RAD50: variants seen among roughly 807,000 people sequenced by gnomAD.
The protein encoded by RAD50 is RAD50 double strand break repair protein.
Under a neutral mutation model 168.8 loss-of-function variants are expected in RAD50, and 132 were observed. The ratio of observed to expected loss-of-function variants is 0.78; its 90% CI spans 0.68 to 0.90. RAD50 has a LOEUF of 0.90. RAD50 is among the 40% of genes least tolerant of loss of function. RAD50 has a pLI of 0.00. For synonymous variants in RAD50, 525 were observed against 497.4 expected, an observed-to-expected ratio of 1.06 and a Z score of -0.74; for missense variants, 1,347 against 1,534.4, an observed-to-expected ratio of 0.88 and a Z score of 2.04.
chr5:132,637,962 T>G, intron 22 of RAD50, 119 bp from the exon 23 acceptor site: 1 of 1,175,378 alleles, frequency 8.5e-7, no homozygotes. Context: ...ACACCAGCCA[T>G]TGTTTTCCTC....
chr5:132,616,802 G>A (rs1751185498), intron 20 of RAD50, among the ~76,000 whole-genome samples: 1 of 152,100 alleles, frequency 6.6e-6, no homozygotes, highest in Non-Finnish European at 1.5e-5. Context: ...TTAAATCCAG[G>A]CCTCTCATTT....
intron 21 of RAD50, among the ~76,000 whole-genome samples, chr5:132,622,200 G>T (rs146164432): frequency 6.6e-6 from 1 of 150,606 alleles, no homozygotes; most frequent in African/African-American, 2.4e-5. Flanking sequence ...TGGCTCTGTC[G>T]CCCAGGCTAG....
chr5:132,628,402 C>G (rs1751405285), intron 21 of RAD50, among the ~76,000 whole-genome samples: 1 of 152,190 alleles, frequency 6.6e-6, no homozygotes, highest in Admixed American at 6.5e-5. Context: ...TATCAAGAAT[C>G]TAATGCTATT....
Position 132,559,282 on chromosome 5 carries a change from A to G in RAD50, c.130-2A>G, listed in dbSNP as rs1561628206. The stretch of plus-strand genomic sequence containing the variant: ...AAATAATGTAATTTTCTATTTCTTT[A>G]GACCATCATTGAATGTCTAAAATAT... On this transcript the variant is annotated splice_acceptor_variant, in intron 1 of 24. Transcript: ENST00000378823. LOFTEE classifies it high-confidence loss of function. 1 of 1,599,434 alleles carries G rather than the reference A, an allele frequency of 6.3e-7. No homozygotes were observed. Among genetic ancestry groups the G allele is most frequent in the Non-Finnish European group, 8.5e-7 (1 of 1,173,534 alleles).
chr5:132,595,215 AC>A, intron 12 of RAD50, 171 bp downstream of exon 12: 1 of 698,352 alleles, frequency 1.4e-6, no homozygotes, highest in Admixed American at 2.7e-5. Context: ...AGTTACTGAA[AC>A]CTTCCTGTGT....
intron 11 of RAD50, chr5:132,592,788 C>T (rs778057424): frequency 4.3e-6 from 2 of 470,394 alleles, no homozygotes; most frequent in South Asian, 3.1e-5. Context: ...AGCCACATTC[C>T]ATCACCTCCT....
chr5:132,571,816 C>A (rs76839246), intron 2 of RAD50, among the ~76,000 whole-genome samples: 1 of 152,120 alleles, frequency 6.6e-6, no homozygotes, highest in East Asian at 1.9e-4. Context: ...AACTCATCAT[C>A]GCTTGTATAA....
rs1475493081 is a variant in RAD50 at position 132,602,143 on chromosome 5, T to TA, written c.2208-1151dup. On this transcript the variant is annotated intron_variant, in intron 13 of 24. Coordinates refer to ENST00000378823, the MANE Select transcript of RAD50 (RefSeq NM_005732.4). ...TAAAGCATAAAAATAAATAAATAAT[T>TA]AAAAAATTTTAAAAAACTATAGGTC... is the stretch of plus-strand genomic sequence containing the variant. 1.7e-3 allele frequency among the ~76,000 whole-genome samples: 262 copies of TA among 152,138 alleles called. 2 individuals are homozygous for TA. The highest frequency in any genetic ancestry group is 6.2e-3 in the African/African-American group (257 of 41,518).
chr5:132,587,996 A>C lies in RAD50; in HGVS notation c.958A>C (p.Arg320=), dbSNP rs1580992181. 2 of 1,612,048 alleles carry C rather than the reference A, an allele frequency of 1.2e-6. No individual in the cohort carries two copies. The highest frequency in any genetic ancestry group is 1.7e-6 in the Non-Finnish European group (2 of 1,178,228). The change falls in exon 7 of 25, where the codon AGG becomes CGG. Residue 320 remains arginine, a synonymous_variant. Transcript: ENST00000378823. The part of the protein sequence containing the change: ...NHQRTVREKE[R]KLVDCHRELE... ...CCAGAGAACAGTAAGGGAGAAAGAAAGGAAATTGGTAGACTGTCATCGTGA... is the reference window on the plus strand; with the variant it reads ...CCAGAGAACAGTAAGGGAGAAAGAACGGAAATTGGTAGACTGTCATCGTGA...
At chr5:132,618,588 G>A (rs965842716) in intron 21 of RAD50, among the ~76,000 whole-genome samples, 2 of 152,122 alleles carry the variant, frequency 1.3e-5, no homozygotes, top group African/African-American at 4.8e-5. Flanking sequence ...ATGTAGGTCA[G>A]GCTGGTCTCG....
At chr5:132,574,863 G>C (rs1750366044) in intron 2 of RAD50, among the ~76,000 whole-genome samples, 1 of 152,254 alleles carries the variant, frequency 6.6e-6, no homozygotes, top group East Asian at 1.9e-4. Flanking sequence ...CTTTGCCCCA[G>C]TTCCCAACAA....
chr5:132,626,663 G>A (rs1183943122), intron 21 of RAD50, among the ~76,000 whole-genome samples: 2 of 152,132 alleles, frequency 1.3e-5, no homozygotes, highest in Non-Finnish European at 2.9e-5. Flanking sequence ...ATTCTTTGAG[G>A]TTGAGGGCTG....
chr5:132,562,730 G>A (rs1400652300), intron 2 of RAD50, among the ~76,000 whole-genome samples: 1 of 152,070 alleles, frequency 6.6e-6, no homozygotes, highest in Non-Finnish European at 1.5e-5. Flanking sequence ...GTGTATACAG[G>A]TAGTTCCACA....
chr5:132,612,717 A>C (rs981734563), intron 19 of RAD50, among the ~76,000 whole-genome samples: 5 of 151,948 alleles, frequency 3.3e-5, no homozygotes, highest in African/African-American at 4.8e-5. Flanking sequence ...AGTCCCAGCT[A>C]CTCAGGAGGC....
chr5:132,615,937 G>T, intron 19 of RAD50, 66 bp from the exon 20 acceptor site: 1 of 1,408,586 alleles, frequency 7.1e-7, no homozygotes, highest in Non-Finnish European at 1.0e-6. Context: ...GTCACCAGTT[G>T]CCTGTTACAG....
chr5:132,591,893 A>G lies in RAD50; in HGVS notation c.1652A>G (p.Gln551Arg), dbSNP rs1554098469. The G allele has an allele frequency of 6.2e-7, 1 of 1,606,532 alleles. No homozygotes were observed. The highest frequency in any genetic ancestry group is 8.5e-7 in the Non-Finnish European group (1 of 1,174,074). Residue 551 changes from glutamine to arginine, a missense_variant, in exon 11 of 25, where the codon CAA (glutamine) becomes CGA (arginine). Physicochemically the swap from Gln to Arg is conservative, Grantham distance 43. Transcript: ENST00000378823. Reference protein sequence around the residue: ...LTKDKADKDEQIRKIKSRHSD... With the variant: ...LTKDKADKDERIRKIKSRHSD... The stretch of plus-strand genomic sequence containing the variant: ...TACCTATAGGCTGACAAAGATGAAC[A>G]AATCAGAAAAATAAAATCTAGGCAC...
At chr5:132,569,368 A>T (rs76917152) in intron 2 of RAD50, among the ~76,000 whole-genome samples, 2,981 of 152,344 alleles carry the variant, frequency 0.02, 76 homozygotes, top group African/African-American at 0.061. Flanking sequence ...TGAAGTGACC[A>T]TATTAATACC....
At chr5:132,563,948 G>T (rs1489704133) in intron 2 of RAD50, among the ~76,000 whole-genome samples, 2 of 152,174 alleles carry the variant, frequency 1.3e-5, no homozygotes, top group Non-Finnish European at 2.9e-5. Context: ...AGATGTGCCA[G>T]CCTCCTCTTC....
chr5:132,580,061 T>C lies in RAD50; in HGVS notation c.751T>C (p.Leu251=), dbSNP rs776001156. ...ATCCTATGAGAATGAACTTGATCCA[T>C]TGAAGGTAACTTGATTTTATTTTTA... ...VKSYENELDP[L]KNRLKEIEHN... is the part of the protein sequence containing the mutation. The change falls in exon 5 of 25, where the codon TTG becomes CTG. Residue 251 remains leucine (L), a synonymous_variant. Coordinates refer to ENST00000378823, the MANE Select transcript of RAD50 (RefSeq NM_005732.4). The C allele has an allele frequency of 6.2e-7, 1 of 1,607,488 alleles. No homozygotes were observed. Among genetic ancestry groups the C allele is most frequent in the Admixed American group, 1.7e-5 (1 of 59,974 alleles).
Sources: allele counts gnomAD v4.1 joint callset (sites outside exome capture counted in the v4.1 genomes callset), GRCh38; gene constraint gnomAD v4.1.1; transcripts MANE v1.5; gene names NCBI Gene and HGNC (gene_info 2026-07-23, HGNC 2026-07-21).